The following MYO5B variants were observed in gnomAD, a reference collection of about 807,000 sequenced individuals.
MYO5B encodes the protein unconventional myosin-Vb.
A neutral mutation model predicts 229.3 loss-of-function variants in MYO5B; 143 were observed. That is an observed-to-expected ratio of 0.62 (90% confidence interval 0.54 to 0.72). MYO5B has a LOEUF of 0.72. MYO5B is among the 30% of genes least tolerant of loss of function. The probability of loss-of-function intolerance (pLI) is 0.00; values close to 1 mark genes in which losing one functional copy is unlikely to be tolerated. For synonymous variants in MYO5B, 918 were observed against 885.2 expected, an observed-to-expected ratio of 1.04 and a Z score of -0.66; for missense variants, 2,321 against 2,331.0, an observed-to-expected ratio of 1.00 and a Z score of 0.09.
At chr18:49,859,046 G>A (rs1345681822) in intron 29 of MYO5B, among the ~76,000 whole-genome samples, 1 of 152,220 alleles carries the variant, frequency 6.6e-6, no homozygotes. Flanking sequence ...GACACACAGA[G>A]ATAAGTTAAC....
intron 1 of MYO5B, among the ~76,000 whole-genome samples, chr18:50,132,613 A>G (rs2032271546): frequency 6.6e-6 from 1 of 152,096 alleles, no homozygotes; most frequent in Non-Finnish European, 1.5e-5. Context: ...GCTTATCTCC[A>G]CCATGCTCCC....
At chr18:50,132,026 T>A (rs1401276370) in intron 1 of MYO5B, among the ~76,000 whole-genome samples, 1 of 152,218 alleles carries the variant, frequency 6.6e-6, no homozygotes, top group African/African-American at 2.4e-5. Flanking sequence ...GCAGAATTCT[T>A]TATTGAAAGG....
At chr18:49,833,974 A>C (rs1162897647) in intron 39 of MYO5B, among the ~76,000 whole-genome samples, 1 of 152,126 alleles carries the variant, frequency 6.6e-6, no homozygotes, top group Non-Finnish European at 1.5e-5. Flanking sequence ...TGCCCTTAGG[A>C]GAACAACCTT....
At chr18:50,181,193 G>C (rs982596361) in intron 1 of MYO5B, among the ~76,000 whole-genome samples, 2 of 152,160 alleles carry the variant, frequency 1.3e-5, no homozygotes, top group South Asian at 4.1e-4. Context: ...CATACACTAA[G>C]TTAATTGTAC....
At chr18:49,985,803 G>C (rs2025864617) in intron 7 of MYO5B, among the ~76,000 whole-genome samples, 1 of 152,120 alleles carries the variant, frequency 6.6e-6, no homozygotes, top group Non-Finnish European at 1.5e-5. Flanking sequence ...AAACACATCA[G>C]CTAAAGGTGC....
At chr18:49,915,678 A>C (rs2025005815) in intron 17 of MYO5B, among the ~76,000 whole-genome samples, 1 of 152,246 alleles carries the variant, frequency 6.6e-6, no homozygotes, top group Non-Finnish European at 1.5e-5. Flanking sequence ...TTATTTGCCT[A>C]GCTACATATT....
At position 49,853,780 on chromosome 18, in the gene MYO5B, A is replaced by C. The variant is rs1048843329; in HGVS notation, c.4023-133T>G. 3.7e-6 allele frequency: 3 copies of C among 805,512 alleles called. No individual in the cohort carries two copies. In the Admixed American group the frequency reaches 6.3e-5, roughly 17 times the overall value. The allele number at this position is 805,512 out of a possible 1,614,324, so 49.9% of individuals were successfully genotyped here. On this transcript the variant is annotated intron_variant, in intron 30 of 39. Coordinates refer to ENST00000285039, the MANE Select transcript of MYO5B (RefSeq NM_001080467.3). ...GGTTGCACATCCCCCAGAGGGATGA[A>C]TGCAGCAGGAGACAGATGCCATGGG... is the stretch of plus-strand genomic sequence containing the variant.
intron 26 of MYO5B, among the ~76,000 whole-genome samples, chr18:49,874,240 C>T (rs1227221727): frequency 6.6e-6 from 1 of 152,202 alleles, no homozygotes; most frequent in Non-Finnish European, 1.5e-5. Context: ...GAAAAAGATA[C>T]CCTTTTTTAT....
At chr18:49,906,779 T>G (rs1381783933) in intron 18 of MYO5B, 149 bp from the exon 19 acceptor site, 1 of 733,620 alleles carries the variant, frequency 1.4e-6, no homozygotes, top group Non-Finnish European at 2.3e-6. Flanking sequence ...CAGCATTTGC[T>G]TAACAGACCC....
At chr18:49,897,599 A>C (rs1486730410) in intron 21 of MYO5B, among the ~76,000 whole-genome samples, 1 of 152,202 alleles carries the variant, frequency 6.6e-6, no homozygotes, top group African/African-American at 2.4e-5. Flanking sequence ...AGCTTACAGA[A>C]TAAGGATATC....
chr18:50,176,858 G>A (rs1036032871), intron 1 of MYO5B, among the ~76,000 whole-genome samples: 5 of 152,188 alleles, frequency 3.3e-5, no homozygotes, highest in African/African-American at 4.8e-5. Context: ...GTGCACTCAT[G>A]AATGTCGTTT....
intron 1 of MYO5B, among the ~76,000 whole-genome samples, chr18:50,143,816 T>C (rs1005665929): frequency 1.3e-5 from 2 of 152,230 alleles, no homozygotes; most frequent in Non-Finnish European, 2.9e-5. Flanking sequence ...AGGCTTGTCC[T>C]GTCTCCTACG....
intron 1 of MYO5B, among the ~76,000 whole-genome samples, chr18:50,078,321 T>C (rs2031136357): frequency 6.6e-6 from 1 of 152,188 alleles, no homozygotes; most frequent in East Asian, 1.9e-4. Context: ...TATATGCCAT[T>C]TAGTATTATG....
intron 33 of MYO5B, among the ~76,000 whole-genome samples, chr18:49,845,706 C>T (rs2024116654): frequency 6.7e-6 from 1 of 149,820 alleles, no homozygotes; most frequent in Non-Finnish European, 1.5e-5. Context: ...CTCTTTCCCA[C>T]AGGACTCTCT....
rs1216479196 is a variant in MYO5B, at chr18:49,931,773, G to A, written c.2004-2175C>T. Among the ~76,000 whole-genome samples, 7 of 152,198 alleles carry A rather than the reference G, an allele frequency of 4.6e-5. No individual in the cohort carries two copies. In the East Asian group the frequency reaches 7.7e-4, roughly 17 times the overall value. On this transcript the variant is annotated intron_variant, in intron 16 of 39. Transcript: ENST00000285039. ...GGGCTGCGGGCTCCCCTGCTCACAG[G>A]CTCTCACTGCTAAAGCTGTCAGCCA...
intron 1 of MYO5B, among the ~76,000 whole-genome samples, chr18:50,137,781 C>A (rs1392364197): frequency 6.6e-6 from 1 of 152,166 alleles, no homozygotes; most frequent in African/African-American, 2.4e-5. Flanking sequence ...TACACATACA[C>A]CATGGAATAC....
At chr18:49,931,410 C>A (rs1200679796) in intron 16 of MYO5B, among the ~76,000 whole-genome samples, 1 of 152,178 alleles carries the variant, frequency 6.6e-6, no homozygotes, top group African/African-American at 2.4e-5. Flanking sequence ...TAAAATCTTC[C>A]CGACTCCTCC....
At chr18:50,159,274 C>T (rs1219397813) in intron 1 of MYO5B, among the ~76,000 whole-genome samples, 2 of 152,156 alleles carry the variant, frequency 1.3e-5, no homozygotes, top group South Asian at 2.1e-4. Context: ...CCAACTGCCA[C>T]CCCTCTGCCA....
At chr18:50,177,428 C>T (rs887923169) in intron 1 of MYO5B, among the ~76,000 whole-genome samples, 1 of 152,182 alleles carries the variant, frequency 6.6e-6, no homozygotes, top group Non-Finnish European at 1.5e-5. Flanking sequence ...CCCGTCTTTG[C>T]CTTCTTCCTC....
Sources: allele counts gnomAD v4.1 joint callset (sites outside exome capture counted in the v4.1 genomes callset), GRCh38; gene constraint gnomAD v4.1.1; transcripts MANE v1.5; gene names NCBI Gene and HGNC (gene_info 2026-07-23, HGNC 2026-07-21).